RAB7A: variants seen among roughly 807,000 people sequenced by gnomAD.
The protein encoded by RAB7A is RAB7A, member RAS oncogene family.
RAB7A carries 2 observed loss-of-function variants against 24.5 expected under a neutral mutation model. The ratio of observed to expected loss-of-function variants is 0.08; its 90% confidence interval spans 0.03 to 0.26. The LOEUF (loss-of-function observed/expected upper bound fraction) is 0.26, where lower values mean the gene tolerates loss of function less well. RAB7A is among the 10% of genes least tolerant of loss of function. RAB7A has a pLI of 1.00. For synonymous variants in RAB7A, 100 were observed against 95.9 expected (o/e 1.04, Z -0.25); for missense variants, 118 against 255.7 (o/e 0.46, Z 3.67).
chr3:128,773,216 G>A (rs150529744), intron 1 of RAB7A, among the ~76,000 whole-genome samples: 3,860 of 152,204 alleles, frequency 0.025, 82 homozygotes, highest in Non-Finnish European at 0.043. Flanking sequence ...CCCCGTCTGG[G>A]ATATGAGGAG....
chr3:128,805,774 T>G (rs553972349), intron 3 of RAB7A, among the ~76,000 whole-genome samples: 26 of 152,244 alleles, frequency 1.7e-4, no homozygotes, highest in African/African-American at 5.8e-4. Flanking sequence ...TGCCTCAGCC[T>G]CCCAAGTAGC....
At chr3:128,745,597 C>T (rs1459492214) in intron 1 of RAB7A, among the ~76,000 whole-genome samples, 2 of 152,108 alleles carry the variant, frequency 1.3e-5, no homozygotes, top group African/African-American at 4.8e-5. Flanking sequence ...AATTCCTGAC[C>T]TCAAGTGATC....
intron 5 of RAB7A, among the ~76,000 whole-genome samples, chr3:128,810,635 T>C (rs1169416218): frequency 6.6e-6 from 1 of 151,160 alleles, no homozygotes; most frequent in African/African-American, 2.4e-5. Flanking sequence ...CCTCTTCTTA[T>C]AAGGACACGA....
At chr3:128,753,996 T>G (rs1035254162) in intron 1 of RAB7A, among the ~76,000 whole-genome samples, 1 of 151,920 alleles carries the variant, frequency 6.6e-6, no homozygotes, top group African/African-American at 2.4e-5. Context: ...ACACTAAAAC[T>G]ACAGCACCAG....
intron 5 of RAB7A, among the ~76,000 whole-genome samples, chr3:128,812,111 C>T (rs1312246837): frequency 6.6e-6 from 1 of 152,014 alleles, no homozygotes; most frequent in Admixed American, 6.6e-5. Flanking sequence ...TACTAAAAAC[C>T]ATTGAATTGT....
At chr3:128,770,304 C>T (rs915852564) in intron 1 of RAB7A, among the ~76,000 whole-genome samples, 1 of 152,170 alleles carries the variant, frequency 6.6e-6, no homozygotes, top group Non-Finnish European at 1.5e-5. Flanking sequence ...CCACACCCAG[C>T]CCACAACTTA....
intron 1 of RAB7A, chr3:128,765,144 G>T (rs770225210): frequency 6.6e-5 from 46 of 702,258 alleles, no homozygotes; most frequent in Middle Eastern, 3.7e-4. Flanking sequence ...CGGCCGGGGT[G>T]GGGGACGAGC....
rs1447280886 is a variant in RAB7A at position 128,732,917 on chromosome 3, A to C, written c.-9+6558A>C. 2.0e-5 allele frequency among the ~76,000 whole-genome samples: 3 copies of C among 152,274 alleles called. No homozygotes were observed. The East Asian group carries it at 5.8e-4, about 29-fold the overall frequency. ...ACTCTTGGGTGATGTGACCTGTGAT[A>C]CTTCTCCTAGTAGACACTGAATGAT... On this transcript the variant is annotated intron_variant, in intron 1 of 5. Coordinates refer to ENST00000265062, the MANE Select transcript of RAB7A (RefSeq NM_004637.6).
At chr3:128,773,227 C>T (rs1932995786) in intron 1 of RAB7A, among the ~76,000 whole-genome samples, 1 of 151,074 alleles carries the variant, frequency 6.6e-6, no homozygotes, top group Non-Finnish European at 1.5e-5. Flanking sequence ...ATATGAGGAG[C>T]CCCTCCGCCC....
rs532893647 is a variant in RAB7A at position 128,765,809 on chromosome 3, T to G, written c.-8-29551T>G. Among the ~76,000 whole-genome samples, 11 of 150,674 alleles carry G rather than the reference T, an allele frequency of 7.3e-5. No homozygotes were observed. In the South Asian group the frequency reaches 1.5e-3, roughly 20 times the overall value. Reference sequence around the variant, plus strand: ...AGAGTTTCTCTCTTGTCGCCCAAGTTGGAGTACAATGGCTCAGTCTCGGCT... The same window carrying G: ...AGAGTTTCTCTCTTGTCGCCCAAGTGGGAGTACAATGGCTCAGTCTCGGCT... On this transcript the variant is annotated intron_variant, in intron 1 of 5. Transcript: ENST00000265062.
At chr3:128,782,395 C>T (rs1291054034) in intron 1 of RAB7A, among the ~76,000 whole-genome samples, 1 of 152,104 alleles carries the variant, frequency 6.6e-6, no homozygotes, top group African/African-American at 2.4e-5. Context: ...GGTGGAGATG[C>T]TTGCTGTCTT....
intron 1 of RAB7A, among the ~76,000 whole-genome samples, chr3:128,772,142 G>A (rs1355987901): frequency 6.6e-6 from 1 of 152,206 alleles, no homozygotes; most frequent in Non-Finnish European, 1.5e-5. Context: ...TGTCAGTAAT[G>A]TCGAAATGAA....
chr3:128,735,336 A>G (rs2070480687), intron 1 of RAB7A, among the ~76,000 whole-genome samples: 1 of 148,938 alleles, frequency 6.7e-6, no homozygotes, highest in Admixed American at 6.7e-5. Flanking sequence ...GACTGTATGT[A>G]TGGAAACCAG....
chr3:128,745,192 A>G (rs2070600242), intron 1 of RAB7A, among the ~76,000 whole-genome samples: 1 of 151,734 alleles, frequency 6.6e-6, no homozygotes, highest in East Asian at 1.9e-4. Context: ...TTTTTCATTA[A>G]ATTTTTCTGG....
chr3:128,756,311 G>A (rs1227281448), intron 1 of RAB7A, among the ~76,000 whole-genome samples: 7 of 151,738 alleles, frequency 4.6e-5, no homozygotes, highest in African/African-American at 7.3e-5. Context: ...GCAGTGAGCC[G>A]AGATTGTGCC....
intron 1 of RAB7A, among the ~76,000 whole-genome samples, chr3:128,747,402 C>A (rs2070628880): frequency 6.6e-6 from 1 of 151,598 alleles, no homozygotes; most frequent in South Asian, 2.1e-4. Context: ...GCCTGACCAA[C>A]ATGGAGAAAC....
intron 3 of RAB7A, among the ~76,000 whole-genome samples, chr3:128,803,647 A>G (rs1403831544): frequency 6.6e-6 from 1 of 152,208 alleles, no homozygotes; most frequent in African/African-American, 2.4e-5. Context: ...AAAAACTGCA[A>G]ATAACTCAAA....
rs556137747 is a variant in RAB7A at position 128,727,226 on chromosome 3, C to T, written c.-9+867C>T. On this transcript the variant is annotated intron_variant, in intron 1 of 5. Transcript: ENST00000265062. ...CTTTGAACAACCCTCTGAAGTACCA[C>T]TGTTGTGCCCACTTAACACAGTGGG... 5.9e-5 allele frequency among the ~76,000 whole-genome samples: 9 copies of T among 152,312 alleles called. No homozygotes were observed. The South Asian group carries it at 1.9e-3, about 32-fold the overall frequency.
At chr3:128,782,793 A>C (rs1201575259) in intron 1 of RAB7A, among the ~76,000 whole-genome samples, 1 of 152,094 alleles carries the variant, frequency 6.6e-6, no homozygotes. Flanking sequence ...AAGCATGAGG[A>C]AGTACTGTCT....
Sources: gnomAD v4.1 joint callset for allele counts (sites outside exome capture counted in the v4.1 genomes callset) on GRCh38, gnomAD v4.1.1 for gene constraint, MANE v1.5 for transcripts, NCBI Gene and HGNC (gene_info 2026-07-23, HGNC 2026-07-21) for gene names.